Variants in NBN observed in about 807,000 individuals in gnomAD.
NBN encodes Nijmegen breakage syndrome 1 (nibrin).
In NBN, 88 loss-of-function variants were observed where a neutral mutation model predicts 90.8. That is an observed-to-expected ratio of 0.97 (90% confidence interval 0.82 to 1.16). The LOEUF (loss-of-function observed/expected upper bound fraction) is 1.16. Among genes scored for constraint, NBN ranks in the 50% most tolerant of loss-of-function variants. The pLI is 0.00. For missense variants in NBN, 894 were observed against 869.6 expected (o/e 1.03, Z -0.35); for synonymous variants, 328 against 295.1 (o/e 1.11, Z -1.14).
At chr8:89,974,473 G>C (rs1187343335) in intron 5 of NBN, among the ~76,000 whole-genome samples, 1 of 152,120 alleles carries the variant, frequency 6.6e-6, no homozygotes, top group Non-Finnish European at 1.5e-5. Flanking sequence ...TGTTGGGTCT[G>C]AGATTTGATT....
In NBN at chr8:89,955,849, T is replaced by TA. The variant is rs901114031; in HGVS notation, c.1125-295dup. Among the ~76,000 whole-genome samples the TA allele has an allele frequency of 3.3e-5, 5 of 152,246 alleles. No homozygotes were observed. The South Asian group carries it at 6.2e-4, about 19-fold the overall frequency. ...CAACTTAGCATAGCCTATTATAAGTTAAACTAGGTGATAATCCTAGGCAAT... is the reference window on the plus strand; with the variant it reads ...CAACTTAGCATAGCCTATTATAAGTTAAAACTAGGTGATAATCCTAGGCAAT... On this transcript the variant is annotated intron_variant, in intron 9 of 15. Transcript: ENST00000265433.
At position 89,937,017 on chromosome 8, in the gene NBN, A is replaced by C. The variant is rs1446505128; in HGVS notation, c.2234+9T>G. The stretch of plus-strand genomic sequence containing the variant: ...CAAAGGTACATGAGAAAGGTGAATC[A>C]AACTTTACCTAAAAAGATCATCAGC... On this transcript the variant is annotated intron_variant, in intron 15 of 15. Transcript: ENST00000265433. The C allele has an allele frequency of 1.9e-6, 3 of 1,602,542 alleles. No individual in the cohort carries two copies. The African/African-American group carries it at 4.0e-5, about 21-fold the overall frequency.
At chr8:89,962,497 AAGC>A (rs1811036971) in intron 8 of NBN, among the ~76,000 whole-genome samples, 1 of 152,208 alleles carries the variant, frequency 6.6e-6, no homozygotes, top group African/African-American at 2.4e-5. Context: ...GTAGACAAGG[AAGC>A]AGTAGTTTCT....
intron 7 of NBN, among the ~76,000 whole-genome samples, chr8:89,965,136 T>A: frequency 6.6e-6 from 1 of 150,516 alleles, no homozygotes. Flanking sequence ...TTAAAAAAAA[T>A]CACCACAGGC....
At chr8:89,969,441 T>C (rs956219051) in intron 7 of NBN, among the ~76,000 whole-genome samples, 1 of 152,226 alleles carries the variant, frequency 6.6e-6, no homozygotes, top group African/African-American at 2.4e-5. Context: ...GAAAACCTTT[T>C]ACCGTTGAGT....
chr8:89,939,996 T>C (rs1425553395), intron 14 of NBN, among the ~76,000 whole-genome samples: 1 of 152,212 alleles, frequency 6.6e-6, no homozygotes, highest in Non-Finnish European at 1.5e-5. Flanking sequence ...AGAAACTAGA[T>C]GGGATATGCC....
chr8:89,946,000 C>A, intron 13 of NBN, 140 bp downstream of exon 13: 1 of 641,448 alleles, frequency 1.6e-6, no homozygotes. Flanking sequence ...CATATCCTTC[C>A]TAGAGGAATT....
At chr8:89,941,151 A>G (rs1279120915) in intron 14 of NBN, among the ~76,000 whole-genome samples, 1 of 152,146 alleles carries the variant, frequency 6.6e-6, no homozygotes, top group African/African-American at 2.4e-5. Flanking sequence ...AGCAAATATA[A>G]AATATTTAAA....
At position 89,984,651 on chromosome 8, in the gene NBN, G is replaced by A; in HGVS notation, c.-90C>T. ...GGATACGGCGCCTGCGGTCGGCATG[G>A]GCTCCGGGACGTGCGCGCTCCCGGG... On this transcript the variant is annotated 5_prime_UTR_variant, in exon 1 of 16. Transcript: ENST00000265433. 1 of 1,567,494 alleles carries A rather than the reference G, an allele frequency of 6.4e-7. No homozygotes were observed. Among genetic ancestry groups the A allele is most frequent in the Non-Finnish European group, 8.7e-7 (1 of 1,154,306 alleles).
chr8:89,964,900 G>C (rs1811176109), intron 7 of NBN, among the ~76,000 whole-genome samples: 1 of 152,088 alleles, frequency 6.6e-6, no homozygotes, highest in South Asian at 2.1e-4. Context: ...GATCACTTGA[G>C]GTCAGGAGTT....
chr8:89,972,639 T>C (rs1053050478), intron 5 of NBN, among the ~76,000 whole-genome samples: 12 of 152,222 alleles, frequency 7.9e-5, no homozygotes, highest in Admixed American at 7.2e-4. Flanking sequence ...TTATCCTTTA[T>C]CTCCTAATAA....
intron 11 of NBN, among the ~76,000 whole-genome samples, chr8:89,949,903 A>T (rs1313457015): frequency 6.6e-6 from 1 of 152,202 alleles, no homozygotes; most frequent in African/African-American, 2.4e-5. Flanking sequence ...ATTAACATGG[A>T]CTTTCAGACA....
intron 3 of NBN, 167 bp from the exon 4 acceptor site, chr8:89,981,060 G>A: frequency 4.3e-6 from 1 of 233,730 alleles, no homozygotes; most frequent in Non-Finnish European, 7.0e-6. Flanking sequence ...ATTAAGCTTT[G>A]TAACCTAGAA....
chr8:89,984,217 A>G, intron 1 of NBN: 1 of 494,832 alleles, frequency 2.0e-6, no homozygotes, highest in Non-Finnish European at 3.6e-6. Flanking sequence ...CCCGCAGGCC[A>G]TCCAGCCCTA....
intron 5 of NBN, among the ~76,000 whole-genome samples, chr8:89,976,270 G>C (rs1811753360): frequency 6.6e-6 from 1 of 152,176 alleles, no homozygotes; most frequent in South Asian, 2.1e-4. Flanking sequence ...CACCAGGGCT[G>C]GCCTGCTTTC....
At chr8:89,951,229 G>A (rs1478993007) in intron 11 of NBN, among the ~76,000 whole-genome samples, 4 of 147,020 alleles carry the variant, frequency 2.7e-5, no homozygotes, top group Non-Finnish European at 1.5e-5. Context: ...GGAGAATGGC[G>A]TGAACCCGGG....
chr8:89,975,211 G>A (rs1811695751), intron 5 of NBN, among the ~76,000 whole-genome samples: 1 of 152,182 alleles, frequency 6.6e-6, no homozygotes, highest in Admixed American at 6.5e-5. Flanking sequence ...TGGTAACAGT[G>A]CAAAGATGTA....
intron 4 of NBN, among the ~76,000 whole-genome samples, chr8:89,979,590 T>C (rs1811957211): frequency 6.6e-6 from 1 of 152,160 alleles, no homozygotes; most frequent in Non-Finnish European, 1.5e-5. Flanking sequence ...TTTAAATTCC[T>C]TTTTGGCTCT....
intron 11 of NBN, among the ~76,000 whole-genome samples, chr8:89,949,018 A>G (rs1321321707): frequency 1.3e-5 from 2 of 152,172 alleles, no homozygotes; most frequent in African/African-American, 4.8e-5. Context: ...TTTATTTCCC[A>G]TATAAGTAAA....
Sources: gnomAD v4.1 joint callset for allele counts (sites outside exome capture counted in the v4.1 genomes callset) on GRCh38, gnomAD v4.1.1 for gene constraint, MANE v1.5 for transcripts, NCBI Gene and HGNC (gene_info 2026-07-23, HGNC 2026-07-21) for gene names.